CMTM4: variants seen among roughly 807,000 people sequenced by gnomAD.
The protein encoded by CMTM4 is CKLF like MARVEL transmembrane domain containing 4.
A neutral mutation model predicts 19.0 loss-of-function variants in CMTM4; 8 were observed. That is an observed-to-expected ratio of 0.42 (90% CI 0.25 to 0.76). CMTM4 has a LOEUF of 0.76. Among genes scored for constraint, CMTM4 ranks in the 30% least tolerant of loss-of-function variants. The probability of loss-of-function intolerance (pLI) is 0.27; values close to 1 mark genes in which losing one functional copy is unlikely to be tolerated. For synonymous variants in CMTM4, 106 were observed against 121.1 expected, an observed-to-expected ratio of 0.88 and a Z score of 0.82; for missense variants, 228 against 290.2, an observed-to-expected ratio of 0.79 and a Z score of 1.56.
the CMTM4 span, chr16:66,609,538 G>T: frequency 6.3e-7 from 1 of 1,585,842 alleles, no homozygotes; most frequent in Non-Finnish European, 8.6e-7. The surrounding 1 kb of genome is among the most constrained non-coding windows in gnomAD (Gnocchi z 4.4). Context: ...GGGGTGAGCA[G>T]CCGCCCCACC....
chr16:66,675,018 C>T (rs1221051379), intron 1 of CMTM4, among the ~76,000 whole-genome samples: 1 of 151,540 alleles, frequency 6.6e-6, no homozygotes, highest in African/African-American at 2.4e-5. Context: ...GCTGGGATTA[C>T]AGGCGTGAGC....
the CMTM4 span, chr16:66,604,734 G>A: frequency 8.7e-7 from 1 of 1,151,070 alleles, no homozygotes; most frequent in Non-Finnish European, 1.1e-6. Context: ...CGCACAGCCC[G>A]GGTTTCCGCT....
At chr16:66,679,290 C>G (rs1370872159) in intron 1 of CMTM4, among the ~76,000 whole-genome samples, 1 of 152,008 alleles carries the variant, frequency 6.6e-6, no homozygotes, top group East Asian at 1.9e-4. Flanking sequence ...CTTCTTTACC[C>G]CGCTCCATGG....
intron 1 of CMTM4, among the ~76,000 whole-genome samples, chr16:66,642,352 A>G (rs1469845991): frequency 6.6e-6 from 1 of 152,252 alleles, no homozygotes; most frequent in Non-Finnish European, 1.5e-5. Flanking sequence ...GCGATTATGG[A>G]TGCCCTTGGA....
chr16:66,696,671 C>T lies in CMTM4; in HGVS notation c.-146G>A. Reference sequence around the variant, plus strand: ...CGGCCCGCCCGCCGCCGCCGCCTCTCGCCCGCCGCCCGGCTGCGGCTGCGG... The same window carrying T: ...CGGCCCGCCCGCCGCCGCCGCCTCTTGCCCGCCGCCCGGCTGCGGCTGCGG... On this transcript the variant is annotated 5_prime_UTR_variant, in exon 1 of 4. Transcript: ENST00000394106. The surrounding 1 kb of genome is among the most constrained non-coding windows in gnomAD (Gnocchi z 4.3). 4.0e-6 allele frequency: 1 copy of T among 252,634 alleles called. No homozygotes were observed. The highest frequency in any genetic ancestry group is 6.2e-6 in the Non-Finnish European group (1 of 162,330). 15.6% of individuals were successfully genotyped at this position (252,634 alleles called of 1,614,324 possible).
intron 1 of CMTM4, among the ~76,000 whole-genome samples, chr16:66,675,262 G>A (rs749648143): frequency 6.7e-5 from 10 of 150,318 alleles, no homozygotes; most frequent in Non-Finnish European, 1.3e-4. Flanking sequence ...TGTATTTTTA[G>A]TAGAAATGGG....
intron 1 of CMTM4, among the ~76,000 whole-genome samples, chr16:66,675,239 C>T (rs2016789258): frequency 6.6e-6 from 1 of 151,300 alleles, no homozygotes; most frequent in Non-Finnish European, 1.5e-5. Context: ...CGCCAACATG[C>T]CCGGCTAATT....
the CMTM4 span, among the ~76,000 whole-genome samples, chr16:66,600,002 T>A: frequency 6.6e-6 from 1 of 152,128 alleles, no homozygotes; most frequent in Non-Finnish European, 1.5e-5. Context: ...ACACGCTTAT[T>A]GGACGTTCAT....
intron 1 of CMTM4, among the ~76,000 whole-genome samples, chr16:66,677,659 C>A (rs561156831): frequency 1.1e-4 from 17 of 152,242 alleles, no homozygotes; most frequent in African/African-American, 3.9e-4. Context: ...CCCTTAAAGG[C>A]CAAGCTGAGG....
At chr16:66,640,967 C>T (rs1487789483) in intron 1 of CMTM4, among the ~76,000 whole-genome samples, 1 of 152,192 alleles carries the variant, frequency 6.6e-6, no homozygotes, top group Non-Finnish European at 1.5e-5. Flanking sequence ...AGCTTGACTG[C>T]AACCTCCTGA....
At chr16:66,665,370 C>CTT (rs1408290217) in intron 1 of CMTM4, among the ~76,000 whole-genome samples, 1 of 149,774 alleles carries the variant, frequency 6.7e-6, no homozygotes, top group African/African-American at 2.5e-5. Flanking sequence ...AGGATAAAAT[C>CTT]TTTATAAGCT....
chr16:66,644,406 C>T (rs1469231042), intron 1 of CMTM4, among the ~76,000 whole-genome samples: 1 of 152,168 alleles, frequency 6.6e-6, no homozygotes, highest in South Asian at 2.1e-4. Context: ...ACTGATCATA[C>T]TGAAGTTCAA....
intron 1 of CMTM4, among the ~76,000 whole-genome samples, chr16:66,680,406 G>A (rs2016887913): frequency 6.7e-6 from 1 of 149,486 alleles, no homozygotes. Flanking sequence ...TTGAACCCAG[G>A]AGGCAGAGGC....
At chr16:66,695,086 C>G (rs1044340376) in intron 1 of CMTM4, among the ~76,000 whole-genome samples, 1 of 152,184 alleles carries the variant, frequency 6.6e-6, no homozygotes, top group African/African-American at 2.4e-5. Context: ...GTGGCTCATG[C>G]CTGTAATCCC....
chr16:66,675,547 T>C (rs2016796009), intron 1 of CMTM4, among the ~76,000 whole-genome samples: 1 of 151,260 alleles, frequency 6.6e-6, no homozygotes, highest in African/African-American at 2.4e-5. Context: ...CCCCTGGCCC[T>C]GCTGGGCTCC....
intron 1 of CMTM4, among the ~76,000 whole-genome samples, chr16:66,695,292 A>G (rs2017211705): frequency 6.6e-6 from 1 of 152,204 alleles, no homozygotes; most frequent in Admixed American, 6.5e-5. Flanking sequence ...ACCTGCAGTG[A>G]GCCACGATCG....
rs2015643389 is a variant in CMTM4 at position 66,621,922 on chromosome 16, C to A, written c.*136G>T. ...CCCGCCCACTGGGCCACTCGGGAAA[C>A]CCTTTCCCAAAATGAACTTTTACCA... On this transcript the variant is annotated 3_prime_UTR_variant, in exon 4 of 4. Coordinates refer to ENST00000394106, the MANE Select transcript of CMTM4 (RefSeq NM_181521.3). 1.4e-6 allele frequency: 2 copies of A among 1,445,652 alleles called. No homozygotes were observed. The highest frequency in any genetic ancestry group is 2.6e-5 in the Admixed American group (1 of 38,518). 89.6% of individuals were successfully genotyped at this position (1,445,652 alleles called of 1,614,324 possible).
the CMTM4 span, among the ~76,000 whole-genome samples, chr16:66,602,078 G>A: frequency 6.6e-6 from 1 of 152,236 alleles, no homozygotes; most frequent in Non-Finnish European, 1.5e-5. Context: ...ACTGGTGATT[G>A]TCATGAGTGG....
chr16:66,605,744 G>A, the CMTM4 span, among the ~76,000 whole-genome samples: 1 of 152,224 alleles, frequency 6.6e-6, no homozygotes, highest in South Asian at 2.1e-4. This position sits in a 1 kb window ranked among gnomAD's most constrained non-coding sequence, Gnocchi z 4.6. Context: ...CGCCTGATTT[G>A]ACAGGTGGCT....
Sources: allele counts gnomAD v4.1 joint callset (sites outside exome capture counted in the v4.1 genomes callset), GRCh38; gene constraint gnomAD v4.1.1; non-coding constraint Gnocchi (gnomAD v3.1); transcripts MANE v1.5; gene names NCBI Gene and HGNC (gene_info 2026-07-23, HGNC 2026-07-21).